Variants in IFT74 observed in about 807,000 individuals in gnomAD.
The protein encoded by IFT74 is intraflagellar transport protein 74 homolog.
IFT74 carries 92 observed loss-of-function variants against 96.7 expected under a neutral mutation model. That is an observed-to-expected ratio of 0.95 (90% CI 0.80 to 1.13). The LOEUF is 1.13. Among genes scored for constraint, IFT74 ranks in the 50% most tolerant of loss-of-function variants. The pLI is 0.00. For missense variants in IFT74, 811 were observed against 698.2 expected (o/e 1.16, Z -1.82); for synonymous variants, 223 against 213.2 (o/e 1.05, Z -0.40).
upstream of IFT74, among the ~76,000 whole-genome samples, chr9:26,951,908 G>C (rs191723557): frequency 2.5e-3 from 379 of 152,164 alleles, 3 homozygotes; most frequent in African/African-American, 8.8e-3. Context: ...AAAAAAACAA[G>C]TGAAATATGA....
At chr9:27,032,398 T>G (rs1009490941) in intron 13 of IFT74, among the ~76,000 whole-genome samples, 1 of 152,168 alleles carries the variant, frequency 6.6e-6, no homozygotes, top group Admixed American at 6.5e-5. Flanking sequence ...GAAATGACAA[T>G]TATAAGCCTT....
At chr9:26,995,476 G>T in intron 8 of IFT74, 1 of 1,137,380 alleles carries the variant, frequency 8.8e-7, no homozygotes, top group Non-Finnish European at 1.2e-6. Context: ...TATCTAAACT[G>T]AGTGAGCTGA....
intron 2 of IFT74, among the ~76,000 whole-genome samples, chr9:26,969,249 A>G (rs1296751801): frequency 1.3e-5 from 2 of 151,964 alleles, no homozygotes; most frequent in African/African-American, 4.8e-5. Flanking sequence ...GTTTTATTCC[A>G]TTATGGTCAG....
intron 2 of IFT74, among the ~76,000 whole-genome samples, chr9:26,975,165 G>A (rs1360520636): frequency 1.3e-5 from 2 of 152,140 alleles, no homozygotes; most frequent in Non-Finnish European, 2.9e-5. Context: ...AGGGTCAGGG[G>A]CACTGAGCAG....
At chr9:26,974,667 G>A (rs1261156783) in intron 2 of IFT74, among the ~76,000 whole-genome samples, 1 of 152,104 alleles carries the variant, frequency 6.6e-6, no homozygotes, top group African/African-American at 2.4e-5. Flanking sequence ...GAGTATTCAC[G>A]TTTCCAAATT....
chr9:27,055,734 T>G lies in IFT74; in HGVS notation c.1459T>G (p.Leu487Val). 2 of 1,566,490 alleles carry G rather than the reference T, an allele frequency of 1.3e-6. No homozygotes were observed. Among genetic ancestry groups the G allele is most frequent in the Non-Finnish European group, 1.7e-6 (2 of 1,162,590 alleles). The stretch of plus-strand genomic sequence containing the variant: ...AACTGATCTGGAGATATATAATGAT[T>G]TGCCAGCTTTAAAATCATCAGGTGA... The part of the protein sequence containing the change: ...MTTDLEIYND[L>V]PALKSSGEEK... Residue 487 changes from leucine to valine, a missense_variant, in exon 17 of 20, where the codon TTG (leucine) becomes GTG (valine). Physicochemically the swap from Leu to Val is conservative, Grantham distance 32. Transcript: ENST00000380062.
chr9:26,962,642 A>T (rs1380597708), intron 2 of IFT74, among the ~76,000 whole-genome samples: 1 of 152,252 alleles, frequency 6.6e-6, no homozygotes, highest in Non-Finnish European at 1.5e-5. Context: ...TATACCTTTT[A>T]TCAGAATTCT....
chr9:26,989,550 T>C (rs1273361971), intron 7 of IFT74, among the ~76,000 whole-genome samples: 1 of 152,186 alleles, frequency 6.6e-6, no homozygotes, highest in Non-Finnish European at 1.5e-5. Flanking sequence ...ATTGATAAAA[T>C]GACTCTTCTA....
chr9:27,009,161 A>G lies in IFT74; in HGVS notation c.726+3A>G. 1 of 1,609,986 alleles carries G rather than the reference A, an allele frequency of 6.2e-7. No individual in the cohort carries two copies. The highest frequency in any genetic ancestry group is 8.5e-7 in the Non-Finnish European group (1 of 1,178,128). On this transcript the variant is annotated splice_donor_region_variant and intron_variant, in intron 9 of 19. Coordinates refer to ENST00000380062, the MANE Select transcript of IFT74 (RefSeq NM_025103.4). Reference sequence around the variant, plus strand: ...CCACAAATGAGAAACTGTTACAGGTAATACAAATTACTGCTGTGTGCCAAG... The same window carrying G: ...CCACAAATGAGAAACTGTTACAGGTGATACAAATTACTGCTGTGTGCCAAG...
At chr9:26,954,345 G>A (rs1467110907), upstream of IFT74, among the ~76,000 whole-genome samples, 1 of 152,130 alleles carries the variant, frequency 6.6e-6, no homozygotes, top group Non-Finnish European at 1.5e-5. Context: ...TCCAAATAAG[G>A]CAACTGCTCA....
At chr9:27,055,544 T>A (rs989497711) in intron 16 of IFT74, 65 bp from the exon 17 acceptor site, 1 of 1,088,812 alleles carries the variant, frequency 9.2e-7, no homozygotes, top group East Asian at 2.8e-5. Context: ...ATAGTTGCAT[T>A]ACATTTCCTT....
chr9:26,967,110 GA>G (rs1372020622), intron 2 of IFT74, among the ~76,000 whole-genome samples: 1 of 149,904 alleles, frequency 6.7e-6, no homozygotes, highest in African/African-American at 2.5e-5. Context: ...TAAATTTTAG[GA>G]TTTTTTTTTC....
chr9:26,949,585 G>T (rs1825870286), intron 1 of IFT74, among the ~76,000 whole-genome samples: 1 of 152,144 alleles, frequency 6.6e-6, no homozygotes, highest in Admixed American at 6.5e-5. Flanking sequence ...GTAATTGCCT[G>T]CTGCCTTCCA....
intron 2 of IFT74, among the ~76,000 whole-genome samples, chr9:26,972,296 G>T (rs1369085710): frequency 2.0e-5 from 3 of 152,066 alleles, no homozygotes; most frequent in Non-Finnish European, 4.4e-5. Context: ...TTGGTGGGGC[G>T]TGCTTACTGT....
intron 17 of IFT74, 122 bp from the exon 18 acceptor site, chr9:27,056,212 G>A (rs1820149926): frequency 1.4e-6 from 1 of 719,388 alleles, no homozygotes; most frequent in Non-Finnish European, 2.3e-6. Context: ...ACGGGTTTTA[G>A]AGTAGTTATA....
chr9:27,029,750 A>G (rs529559925), intron 13 of IFT74, among the ~76,000 whole-genome samples: 5 of 152,324 alleles, frequency 3.3e-5, no homozygotes, highest in African/African-American at 9.6e-5. Context: ...CTCGGTCTCA[A>G]TAAATAAATA....
chr9:26,950,210 G>C (rs953666955), intron 1 of IFT74, among the ~76,000 whole-genome samples: 2 of 151,992 alleles, frequency 1.3e-5, no homozygotes, highest in African/African-American at 4.8e-5. Flanking sequence ...TACTCAGGAG[G>C]CTGAGGCAGG....
chr9:26,989,449 T>G (rs1274737100), intron 7 of IFT74, among the ~76,000 whole-genome samples: 1 of 152,228 alleles, frequency 6.6e-6, no homozygotes, highest in Admixed American at 6.5e-5. Context: ...ATTTTGATTA[T>G]AAGCATTTGG....
In IFT74 at chr9:27,057,034, T is replaced by A. The variant is rs545641099; in HGVS notation, c.1623+575T>A. Among the ~76,000 whole-genome samples, 46 of 152,296 alleles carry A rather than the reference T, an allele frequency of 3.0e-4. No homozygotes were observed. The South Asian group carries it at 3.3e-3, about 11-fold the overall frequency. On this transcript the variant is annotated intron_variant, in intron 18 of 19. Coordinates refer to ENST00000380062, the MANE Select transcript of IFT74 (RefSeq NM_025103.4). Reference sequence around the variant, plus strand: ...ATGATTAACTATACATCATAAGTACTTTCCCTTGTCAATATATATATTGAC... The same window carrying A: ...ATGATTAACTATACATCATAAGTACATTCCCTTGTCAATATATATATTGAC...
Sources: allele counts gnomAD v4.1 joint callset (sites outside exome capture counted in the v4.1 genomes callset), GRCh38; gene constraint gnomAD v4.1.1; transcripts MANE v1.5; gene names NCBI Gene and HGNC (gene_info 2026-07-23, HGNC 2026-07-21).